The following PRKG1 variants were observed in gnomAD, a reference collection of about 807,000 sequenced individuals.
PRKG1 encodes protein kinase cGMP-dependent 1.
Under a neutral mutation model 88.1 loss-of-function variants are expected in PRKG1, and 35 were observed. The ratio of observed to expected loss-of-function variants is 0.40; its 90% confidence interval spans 0.30 to 0.53. The LOEUF (loss-of-function observed/expected upper bound fraction) is 0.53, where lower values mean the gene tolerates loss of function less well. Ranked by LOEUF, PRKG1 falls within the 20% of genes least tolerant of loss-of-function variation. The pLI, the probability that PRKG1 is intolerant of heterozygous loss-of-function variation, is 0.59. For synonymous variants in PRKG1, 303 were observed against 292.5 expected (o/e 1.04, Z -0.37); for missense variants, 540 against 839.8 (o/e 0.64, Z 4.41).
intron 5 of PRKG1, among the ~76,000 whole-genome samples, chr10:52,026,087 A>G (rs1391447752): frequency 6.6e-6 from 1 of 152,030 alleles, no homozygotes; most frequent in Non-Finnish European, 1.5e-5. Flanking sequence ...CTATTTAATA[A>G]ATGGTGTTGT....
At chr10:51,216,798 C>G (rs1451698615) in intron 2 of PRKG1, among the ~76,000 whole-genome samples, 1 of 152,112 alleles carries the variant, frequency 6.6e-6, no homozygotes, top group East Asian at 1.9e-4. Flanking sequence ...GCTAATTCAG[C>G]ATTGATTTTT....
chr10:51,864,228 C>G (rs1275300620), intron 4 of PRKG1, among the ~76,000 whole-genome samples: 1 of 152,180 alleles, frequency 6.6e-6, no homozygotes, highest in Admixed American at 6.5e-5. Flanking sequence ...CTACTATAAT[C>G]AAACCTTCCC....
chr10:52,219,378 A>T (rs150741641), intron 9 of PRKG1, among the ~76,000 whole-genome samples: 16 of 152,332 alleles, frequency 1.1e-4, no homozygotes, highest in Admixed American at 2.0e-4. Flanking sequence ...TGAGTCTAAG[A>T]TGCCTTCACT....
chr10:52,070,449 T>G (rs1412533049), intron 7 of PRKG1, among the ~76,000 whole-genome samples: 1 of 152,258 alleles, frequency 6.6e-6, no homozygotes, highest in Admixed American at 6.5e-5. Context: ...TTTGCTATAA[T>G]TAATGTAGGT....
chr10:51,087,886 T>TCC (rs1302702263), intron 1 of PRKG1, among the ~76,000 whole-genome samples: 2 of 152,166 alleles, frequency 1.3e-5, no homozygotes, highest in East Asian at 3.9e-4. Context: ...TGCCTCAGCC[T>TCC]CCCAAGTAGC....
chr10:51,025,439 C>A (rs1412033773), intron 1 of PRKG1, among the ~76,000 whole-genome samples: 1 of 151,134 alleles, frequency 6.6e-6, no homozygotes, highest in Non-Finnish European at 1.5e-5. Flanking sequence ...AAGCTGACAT[C>A]CAGAGCTGAC....
chr10:51,817,733 A>G (rs999675718), intron 4 of PRKG1, among the ~76,000 whole-genome samples: 7 of 152,314 alleles, frequency 4.6e-5, no homozygotes, highest in Admixed American at 3.3e-4. Context: ...TCTAGGACCA[A>G]CCAATAAATG....
chr10:51,734,804 G>A (rs984718054), intron 3 of PRKG1, among the ~76,000 whole-genome samples: 3 of 152,042 alleles, frequency 2.0e-5, no homozygotes, highest in African/African-American at 7.2e-5. Context: ...TTTAAAAGGA[G>A]GAAAGAATTC....
At chr10:52,163,170 G>A (rs1232523802) in intron 9 of PRKG1, among the ~76,000 whole-genome samples, 1 of 150,914 alleles carries the variant, frequency 6.6e-6, no homozygotes, top group African/African-American at 2.4e-5. Flanking sequence ...AATTTTTTTG[G>A]TATGTGACAA....
intron 5 of PRKG1, among the ~76,000 whole-genome samples, chr10:51,937,480 T>C (rs917196654): frequency 6.6e-6 from 1 of 152,034 alleles, no homozygotes; most frequent in Non-Finnish European, 1.5e-5. Flanking sequence ...TGGCAGATGT[T>C]TAAGAACTAA....
chr10:51,907,591 A>G, intron 5 of PRKG1, 21 bp downstream of exon 5: 1 of 1,605,014 alleles, frequency 6.2e-7, no homozygotes, highest in Non-Finnish European at 8.5e-7. Context: ...TTAGCCTTTG[A>G]ACTTTTTGAG....
intron 3 of PRKG1, among the ~76,000 whole-genome samples, chr10:51,602,164 C>T (rs555052266): frequency 2.0e-5 from 3 of 152,158 alleles, no homozygotes; most frequent in South Asian, 2.1e-4. Flanking sequence ...CCGAGGGGTT[C>T]GCTCAACACA....
intron 3 of PRKG1, among the ~76,000 whole-genome samples, chr10:51,543,824 A>T (rs2132115797): frequency 6.6e-6 from 1 of 152,322 alleles, no homozygotes; most frequent in South Asian, 2.1e-4. Context: ...ATTGTCCTTC[A>T]AATCAAAGCT....
intron 2 of PRKG1, among the ~76,000 whole-genome samples, chr10:51,181,736 A>G (rs186958166): frequency 6.6e-6 from 1 of 152,314 alleles, no homozygotes; most frequent in Admixed American, 6.5e-5. Flanking sequence ...GTTCTATTAT[A>G]TTCATGTTAC....
At chr10:51,775,822 G>T (rs1439037789) in intron 3 of PRKG1, among the ~76,000 whole-genome samples, 1 of 152,054 alleles carries the variant, frequency 6.6e-6, no homozygotes, top group Non-Finnish European at 1.5e-5. Context: ...GACCTTAAGA[G>T]ATTTGCCAGC....
intron 3 of PRKG1, among the ~76,000 whole-genome samples, chr10:51,793,903 A>G (rs1263383342): frequency 6.6e-6 from 1 of 152,100 alleles, no homozygotes; most frequent in Non-Finnish European, 1.5e-5. Flanking sequence ...GTGGGATTAC[A>G]GGCATAAGCC....
intron 3 of PRKG1, among the ~76,000 whole-genome samples, chr10:51,787,668 TGGTC>T (rs769918601): frequency 6.6e-6 from 1 of 152,172 alleles, no homozygotes; most frequent in Non-Finnish European, 1.5e-5. Flanking sequence ...TGACTATCCC[TGGTC>T]TGCCATTCCC....
chr10:51,421,987 C>T (rs1838429099), intron 2 of PRKG1, among the ~76,000 whole-genome samples: 1 of 152,202 alleles, frequency 6.6e-6, no homozygotes, highest in African/African-American at 2.4e-5. Context: ...GCGAAGACAG[C>T]ATCAGCCACC....
At chr10:51,677,182 T>C (rs553351701) in intron 3 of PRKG1, among the ~76,000 whole-genome samples, 39 of 152,324 alleles carry the variant, frequency 2.6e-4, no homozygotes, top group Middle Eastern at 3.4e-3. Context: ...GCTTGTGATA[T>C]ACCAATATTG....
Sources: gnomAD v4.1 joint callset for allele counts (sites outside exome capture counted in the v4.1 genomes callset) on GRCh38, gnomAD v4.1.1 for gene constraint, MANE v1.5 for transcripts, NCBI Gene and HGNC (gene_info 2026-07-23, HGNC 2026-07-21) for gene names.